The following SPAG17 variants were observed in gnomAD, a reference collection of about 807,000 sequenced individuals.
SPAG17 encodes the protein sperm associated antigen 17.
Under a neutral mutation model 273.6 loss-of-function variants are expected in SPAG17, and 169 were observed. That is an observed-to-expected ratio of 0.62 (90% CI 0.55 to 0.70). The LOEUF is 0.70. Ranked by LOEUF, SPAG17 falls within the 30% of genes least tolerant of loss-of-function variation. SPAG17 has a pLI of 0.00. For missense variants in SPAG17, 2,557 were observed against 2,627.8 expected (o/e 0.97, Z 0.59); for synonymous variants, 825 against 873.2 (o/e 0.94, Z 0.97).
chr1:118,012,958 G>C (rs183506409), intron 29 of SPAG17, among the ~76,000 whole-genome samples: 1 of 152,156 alleles, frequency 6.6e-6, no homozygotes, highest in Non-Finnish European at 1.5e-5. Flanking sequence ...TATGAGAAGC[G>C]GTGTGCGTGG....
intron 17 of SPAG17, among the ~76,000 whole-genome samples, chr1:118,068,229 T>A (rs1280475873): frequency 6.6e-6 from 1 of 151,880 alleles, no homozygotes; most frequent in Non-Finnish European, 1.5e-5. Flanking sequence ...GGTAGCATAA[T>A]CAAAACAATA....
At chr1:118,156,180 C>A (rs1421275024) in intron 1 of SPAG17, among the ~76,000 whole-genome samples, 6 of 152,062 alleles carry the variant, frequency 3.9e-5, no homozygotes, top group Non-Finnish European at 8.8e-5. Flanking sequence ...TAAAGTAATC[C>A]TTATTTAGGA....
chr1:118,130,651 G>A lies in SPAG17; in HGVS notation c.316-15210C>T, dbSNP rs75197831. 6.2e-3 allele frequency among the ~76,000 whole-genome samples: 941 copies of A among 152,176 alleles called. 8 individuals carry two copies. Among genetic ancestry groups the A allele is most frequent in the African/African-American group, 0.022 (900 of 41,508 alleles). On this transcript the variant is annotated intron_variant, in intron 3 of 48. Coordinates refer to ENST00000336338, the MANE Select transcript of SPAG17 (RefSeq NM_206996.4). ...AGTTCATCCACTGATGACCTTCCCA[G>A]AGCCTCATGTTCACCCCAGTTTCTG...
intron 46 of SPAG17, among the ~76,000 whole-genome samples, chr1:117,968,475 A>G (rs1355412368): frequency 1.3e-5 from 2 of 152,216 alleles, no homozygotes; most frequent in African/African-American, 4.8e-5. Context: ...ACAGTGATGA[A>G]TTACTTCAGG....
At chr1:118,058,030 C>T (rs898948866) in intron 18 of SPAG17, among the ~76,000 whole-genome samples, 2 of 151,710 alleles carry the variant, frequency 1.3e-5, no homozygotes, top group Non-Finnish European at 2.9e-5. Context: ...TAGATTAATA[C>T]TACATAGAAA....
At chr1:118,082,551 C>A (rs1278229543) in intron 13 of SPAG17, among the ~76,000 whole-genome samples, 3 of 152,106 alleles carry the variant, frequency 2.0e-5, no homozygotes, top group Non-Finnish European at 2.9e-5. Flanking sequence ...ATTTTTTGAG[C>A]CCCTATTAGG....
intron 3 of SPAG17, among the ~76,000 whole-genome samples, chr1:118,117,061 G>C (rs1456100985): frequency 2.0e-5 from 3 of 152,254 alleles, no homozygotes; most frequent in African/African-American, 2.4e-5. Context: ...CCAACCCCAA[G>C]AGTAGATGTC....
intron 3 of SPAG17, among the ~76,000 whole-genome samples, chr1:118,139,789 G>T (rs977177047): frequency 6.6e-6 from 1 of 151,906 alleles, no homozygotes; most frequent in African/African-American, 2.4e-5. Context: ...TACAGAGACT[G>T]GGGGGTGGGG....
intron 19 of SPAG17, 59 bp downstream of exon 19, chr1:118,055,674 A>T: frequency 7.5e-7 from 1 of 1,342,222 alleles, no homozygotes; most frequent in Non-Finnish European, 1.0e-6. Flanking sequence ...TGATTAAATT[A>T]AGAGAGAGAA....
intron 1 of SPAG17, among the ~76,000 whole-genome samples, chr1:118,165,685 A>G (rs1380837141): frequency 4.7e-5 from 6 of 126,878 alleles, no homozygotes; most frequent in Middle Eastern, 5.9e-3. Flanking sequence ...TCGCTCTGTC[A>G]CCCAGGTTGG....
chr1:118,092,696 A>T (rs921105882), intron 8 of SPAG17, among the ~76,000 whole-genome samples: 1 of 152,104 alleles, frequency 6.6e-6, no homozygotes, highest in Admixed American at 6.6e-5. Context: ...CAGGTGACCA[A>T]GTTTATTTCT....
chr1:118,080,604 G>C (rs1654470960), intron 15 of SPAG17, among the ~76,000 whole-genome samples: 2 of 152,264 alleles, frequency 1.3e-5, no homozygotes, highest in African/African-American at 4.8e-5. Context: ...GTGTAAGGTA[G>C]CTCAGTATAA....
rs778877772 is a variant in SPAG17 at position 117,992,541 on chromosome 1, C to G, written c.5286G>C (p.Val1762=). The stretch of plus-strand genomic sequence containing the variant: ...GCTGAATGAATTGGCGCATCTGTAG[C>G]ACACTGGGGCTCTTGAGTATGGCAC... ...APGAILKSPS[V]LQMRQFIQHE... The change falls in exon 36 of 49, where the codon GTG becomes GTC. Residue 1762 remains valine (V), a synonymous_variant. Transcript: ENST00000336338. 1.2e-6 allele frequency: 2 copies of G among 1,613,644 alleles called. No homozygotes were observed. Among genetic ancestry groups the G allele is most frequent in the Non-Finnish European group, 1.7e-6 (2 of 1,179,866 alleles).
chr1:118,070,908 T>G (rs988393618), intron 17 of SPAG17, among the ~76,000 whole-genome samples: 3 of 152,224 alleles, frequency 2.0e-5, no homozygotes, highest in African/African-American at 7.2e-5. Flanking sequence ...GCTACCACAC[T>G]GGATAATGCA....
chr1:118,134,499 A>C (rs570975587), intron 3 of SPAG17, among the ~76,000 whole-genome samples: 1 of 152,318 alleles, frequency 6.6e-6, no homozygotes, highest in African/African-American at 2.4e-5. Context: ...AGCTAATAAA[A>C]TATATGTACA....
At chr1:118,025,640 A>C (rs917777163) in intron 26 of SPAG17, among the ~76,000 whole-genome samples, 4 of 152,036 alleles carry the variant, frequency 2.6e-5, no homozygotes, top group African/African-American at 4.8e-5. Flanking sequence ...ACAGGCTTGC[A>C]CCACAACACC....
At chr1:118,058,541 G>A (rs757048583) in intron 18 of SPAG17, among the ~76,000 whole-genome samples, 3 of 152,184 alleles carry the variant, frequency 2.0e-5, no homozygotes, top group Non-Finnish European at 4.4e-5. Flanking sequence ...ACATACAAAC[G>A]AAATTATGCA....
intron 29 of SPAG17, among the ~76,000 whole-genome samples, chr1:118,012,577 G>C (rs1329230343): frequency 6.6e-6 from 1 of 152,202 alleles, no homozygotes; most frequent in African/African-American, 2.4e-5. Flanking sequence ...TGTAGGCTTA[G>C]AGAAGTTGAG....
At position 118,185,118 on chromosome 1, in the gene SPAG17, T is replaced by C; in HGVS notation, c.40A>G (p.Ser14Gly). 2 of 1,614,192 alleles carry C rather than the reference T, an allele frequency of 1.2e-6. No individual in the cohort carries two copies. Among genetic ancestry groups the C allele is most frequent in the South Asian group, 2.2e-5 (2 of 91,086 alleles). ...KKEKGGTVNTSSKIWEPSLIA... is the reference protein window; with the variant it reads ...KKEKGGTVNTGSKIWEPSLIA... ...AGCGAGGGTTCCCATATCTTAGAAC[T>C]GGTGTTCACAGTTCCTCCTTTCTCC... Residue 14 changes from serine to glycine, a missense_variant, in exon 1 of 49, where the codon AGT becomes GGT. Coordinates refer to ENST00000336338, the MANE Select transcript of SPAG17 (RefSeq NM_206996.4).
Sources: allele counts gnomAD v4.1 joint callset (sites outside exome capture counted in the v4.1 genomes callset), GRCh38; gene constraint gnomAD v4.1.1; transcripts MANE v1.5; gene names NCBI Gene and HGNC (gene_info 2026-07-23, HGNC 2026-07-21).